The following ARHGAP6 variants were observed in gnomAD, a reference collection of about 807,000 sequenced individuals.
ARHGAP6 encodes rho GTPase-activating protein 6.
Under a neutral mutation model 55.7 loss-of-function variants are expected in ARHGAP6, and 16 were observed. That is an observed-to-expected ratio of 0.29 (90% CI 0.19 to 0.44). The LOEUF (loss-of-function observed/expected upper bound fraction) is 0.44, where lower values mean the gene tolerates loss of function less well. Ranked by LOEUF, ARHGAP6 falls within the 20% of genes least tolerant of loss-of-function variation. The probability of loss-of-function intolerance (pLI) is 1.00; values close to 1 mark genes in which losing one functional copy is unlikely to be tolerated. For synonymous variants in ARHGAP6, 382 were observed against 360.9 expected (o/e 1.06, Z -0.66); for missense variants, 698 against 808.9 (o/e 0.86, Z 1.66).
chrX:11,445,793 C>T (rs2050086822), intron 1 of ARHGAP6, among the ~76,000 whole-genome samples: 1 of 111,059 alleles, frequency 9.0e-6, no homozygotes, highest in African/African-American at 3.3e-5. Context: ...TCCTACAGTG[C>T]ACAGGATGGC....
At chrX:11,226,654 C>T (rs902398532) in intron 2 of ARHGAP6, among the ~76,000 whole-genome samples, 12 of 111,684 alleles carry the variant, frequency 1.1e-4, no homozygotes, top group African/African-American at 2.3e-4. Context: ...AGGAGATCAG[C>T]GACAGATCTT....
At chrX:11,576,982 T>C (rs1476607373) in intron 1 of ARHGAP6, among the ~76,000 whole-genome samples, 3 of 111,605 alleles carry the variant, frequency 2.7e-5, no homozygotes, top group African/African-American at 6.5e-5. Flanking sequence ...CATCTTCCAA[T>C]TTCTCTCTAA....
chrX:11,442,349 G>A (rs1164402027), intron 1 of ARHGAP6, among the ~76,000 whole-genome samples: 2 of 109,754 alleles, frequency 1.8e-5, no homozygotes, highest in Admixed American at 9.8e-5. Context: ...CTTCCTTTGG[G>A]AGTAATAATA....
chrX:11,494,886 C>T (rs1442191502), intron 1 of ARHGAP6, among the ~76,000 whole-genome samples: 1 of 111,764 alleles, frequency 8.9e-6, no homozygotes, highest in African/African-American at 3.3e-5. Flanking sequence ...ATAAATGACT[C>T]TAGATGGTTG....
At chrX:11,431,171 A>G (rs1420833100) in intron 1 of ARHGAP6, among the ~76,000 whole-genome samples, 1 of 112,177 alleles carries the variant, frequency 8.9e-6, no homozygotes, top group Non-Finnish European at 1.9e-5. Context: ...TTTTTAAAAA[A>G]TAATAAATTT....
intron 1 of ARHGAP6, among the ~76,000 whole-genome samples, chrX:11,585,871 G>A (rs1032605758): frequency 7.2e-5 from 8 of 111,547 alleles, no homozygotes; most frequent in African/African-American, 9.8e-5. Context: ...GGCGAAGGGT[G>A]AAGCCTTCTG....
chrX:11,557,018 G>A (rs2051326023), intron 1 of ARHGAP6, among the ~76,000 whole-genome samples: 1 of 111,705 alleles, frequency 9.0e-6, no homozygotes, highest in South Asian at 3.7e-4. Context: ...TGCTATTGAA[G>A]AGTACAAAGA....
intron 1 of ARHGAP6, among the ~76,000 whole-genome samples, chrX:11,286,312 T>C (rs984269409): frequency 8.9e-6 from 1 of 111,817 alleles, no homozygotes; most frequent in Non-Finnish European, 1.9e-5. Context: ...CTATCTTTTT[T>C]AGTGACCGAA....
chrX:11,536,564 G>T (rs2051106097), intron 1 of ARHGAP6, among the ~76,000 whole-genome samples: 1 of 111,916 alleles, frequency 8.9e-6, no homozygotes, highest in Non-Finnish European at 1.9e-5. Flanking sequence ...TGCTACTTCT[G>T]GGAGAACCTC....
chrX:11,169,810 C>G lies in ARHGAP6; in HGVS notation c.1630-126G>C, dbSNP rs183385274. On this transcript the variant is annotated intron_variant, in intron 8 of 12. Transcript: ENST00000337414. ...TAATCCTGCAAGGATGCCATCCTCT[C>G]TGTCAGAATCCATGGAGGGCATCAT... is the stretch of plus-strand genomic sequence containing the variant. 33 of 482,071 alleles carry G rather than the reference C, an allele frequency of 6.8e-5. 1 individual carries two copies. The highest frequency in any genetic ancestry group is 4.6e-4 in the East Asian group (11 of 23,863). 39.7% of individuals were successfully genotyped at this position (482,071 alleles called of 1,213,427 possible). A position where few individuals can be genotyped will look rare whatever the true frequency, so the allele number is the denominator to read the frequency against.
chrX:11,231,777 A>G (rs2047133607), intron 2 of ARHGAP6, among the ~76,000 whole-genome samples: 1 of 112,011 alleles, frequency 8.9e-6, no homozygotes, highest in South Asian at 3.8e-4. Flanking sequence ...TATCCAGGTG[A>G]ATCAGGGCTC....
chrX:11,549,185 A>C (rs1164200763), intron 1 of ARHGAP6, among the ~76,000 whole-genome samples: 2 of 111,907 alleles, frequency 1.8e-5, no homozygotes, highest in African/African-American at 6.5e-5. Flanking sequence ...ACATTTGGAA[A>C]CTACTTTCAG....
chrX:11,520,141 A>C (rs1467934327), intron 1 of ARHGAP6, among the ~76,000 whole-genome samples: 1 of 54,378 alleles, frequency 1.8e-5, no homozygotes, highest in African/African-American at 7.2e-5. Context: ...TTATATATAT[A>C]TATATATATA....
At chrX:11,234,222 G>T (rs1488195316) in intron 2 of ARHGAP6, among the ~76,000 whole-genome samples, 1 of 112,064 alleles carries the variant, frequency 8.9e-6, no homozygotes, top group Non-Finnish European at 1.9e-5. Context: ...TCCTGCGTGG[G>T]GTCACCTGTT....
rs750028689 is a variant in ARHGAP6, at chrX:11,610,794, T to C, written c.588+53447A>G. On this transcript the variant is annotated intron_variant, in intron 1 of 12. Transcript: ENST00000337414. ...TTCATCGCCACACAAAGAAATCCCA[T>C]CTATGTCCATTAGCATTCATGCCCC... Among the ~76,000 whole-genome samples, 4 of 111,889 alleles carry C rather than the reference T, an allele frequency of 3.6e-5. No individual in the cohort carries two copies. The South Asian group carries it at 1.5e-3, about 42-fold the overall frequency.
At chrX:11,422,962 T>A (rs186875760) in intron 1 of ARHGAP6, among the ~76,000 whole-genome samples, 1 of 111,881 alleles carries the variant, frequency 8.9e-6, no homozygotes, top group East Asian at 2.8e-4. Flanking sequence ...AGCAGAAAAG[T>A]AAGCATGCCA....
chrX:11,516,551 T>C (rs2050842656), intron 1 of ARHGAP6, among the ~76,000 whole-genome samples: 1 of 112,055 alleles, frequency 8.9e-6, no homozygotes, highest in Non-Finnish European at 1.9e-5. Context: ...TCTTAGAGAA[T>C]AGCTAACATT....
At chrX:11,284,312 C>A (rs938034531) in intron 1 of ARHGAP6, among the ~76,000 whole-genome samples, 3 of 112,040 alleles carry the variant, frequency 2.7e-5, no homozygotes, top group East Asian at 2.8e-4. Flanking sequence ...CAGGTGATAC[C>A]AATGCTGCTG....
At chrX:11,167,168 A>C (rs1159754074) in intron 9 of ARHGAP6, among the ~76,000 whole-genome samples, 1 of 112,082 alleles carries the variant, frequency 8.9e-6, no homozygotes, top group Non-Finnish European at 1.9e-5. Flanking sequence ...CACAGGGGTA[A>C]TGCAGTAAAG....
Sources: gnomAD v4.1 joint callset for allele counts (sites outside exome capture counted in the v4.1 genomes callset) on GRCh38, gnomAD v4.1.1 for gene constraint, MANE v1.5 for transcripts, NCBI Gene and HGNC (gene_info 2026-07-23, HGNC 2026-07-21) for gene names.